The following HMCN1 variants were observed in gnomAD, a reference collection of about 807,000 sequenced individuals.
The protein encoded by HMCN1 is hemicentin-1.
Under a neutral mutation model 625.9 loss-of-function variants are expected in HMCN1, and 321 were observed. The observed-to-expected ratio is 0.51, with a 90% confidence interval of 0.47 to 0.56. The LOEUF is 0.56. Among genes scored for constraint, HMCN1 ranks in the 20% least tolerant of loss-of-function variants. The pLI is 0.00. For synonymous variants in HMCN1, 2,425 were observed against 2,417.6 expected (o/e 1.00, Z -0.09); for missense variants, 6,588 against 6,887.3 (o/e 0.96, Z 1.54).
intron 52 of HMCN1, among the ~76,000 whole-genome samples, chr1:186,071,376 C>T (rs916418804): frequency 6.6e-6 from 1 of 152,116 alleles, no homozygotes; most frequent in Non-Finnish European, 1.5e-5. Flanking sequence ...AAGACAGATC[C>T]TTCAATTCTG....
intron 24 of HMCN1, 117 bp from the exon 25 acceptor site, chr1:185,997,311 AT>A (rs1351376190): frequency 2.7e-6 from 2 of 729,126 alleles, no homozygotes; most frequent in Non-Finnish European, 4.9e-6. Context: ...TAGGAATCAT[AT>A]TTAAAAGAAG....
chr1:185,822,207 T>A (rs1660230569), intron 1 of HMCN1, among the ~76,000 whole-genome samples: 1 of 152,032 alleles, frequency 6.6e-6, no homozygotes, highest in Admixed American at 6.6e-5. Context: ...AACAATAGAC[T>A]AGTTGATAAT....
At chr1:185,988,758 G>C (rs1652176940) in intron 20 of HMCN1, among the ~76,000 whole-genome samples, 1 of 152,130 alleles carries the variant, frequency 6.6e-6, no homozygotes, top group Admixed American at 6.6e-5. Flanking sequence ...GTGATCTTGG[G>C]CAAATTACTC....
In HMCN1 at chr1:185,984,304, G is replaced by T; in HGVS notation, c.2926G>T (p.Val976Phe). 1 of 1,613,970 alleles carries T rather than the reference G, an allele frequency of 6.2e-7. No homozygotes were observed. The highest frequency in any genetic ancestry group is 8.5e-7 in the Non-Finnish European group (1 of 1,179,920). ...AGTNNKTTSV[V>F]VHVLPTIQHG... The stretch of plus-strand genomic sequence containing the variant: ...GACCAATAACAAAACTACCTCTGTG[G>T]TTGTGCATGGTAAGAGACACACCCA... The change falls in exon 19 of 107, where the codon GTT becomes TTT. Residue 976 changes from valine to phenylalanine, a missense_variant. This residue lies in a region of HMCN1 where 4,628 missense variants were observed against 4,853.1 expected (regional missense o/e 0.95). Coordinates refer to ENST00000271588, the MANE Select transcript of HMCN1 (RefSeq NM_031935.3).
At chr1:185,955,989 C>T (rs1485093272) in intron 11 of HMCN1, among the ~76,000 whole-genome samples, 1 of 152,060 alleles carries the variant, frequency 6.6e-6, no homozygotes, top group Non-Finnish European at 1.5e-5. Context: ...TAAACCACTG[C>T]CTTTCTGATA....
In HMCN1 at chr1:185,902,405, C is replaced by CTATCTCTATCTA. The variant is rs903275348; in HGVS notation, c.622-6931_622-6930insATCTCTATCTAT. On this transcript the variant is annotated intron_variant, in intron 4 of 106. Coordinates refer to ENST00000271588, the MANE Select transcript of HMCN1 (RefSeq NM_031935.3). ...TCTATCTATCTATCTATCTATCTAT[C>CTATCTCTATCTA]TCTATCTATCTATCTATCTATCTAT... 3.7e-3 allele frequency among the ~76,000 whole-genome samples: 544 copies of CTATCTCTATCTA among 145,412 alleles called. 4 individuals carry two copies. The highest frequency in any genetic ancestry group is 0.013 in the African/African-American group (517 of 38,562).
intron 1 of HMCN1, among the ~76,000 whole-genome samples, chr1:185,797,965 CAAAAAAAAA>C (rs35031310): frequency 1.2e-3 from 16 of 13,666 alleles, no homozygotes; most frequent in African/African-American, 3.5e-3. Flanking sequence ...GACTCCGTCT[CAAAAAAAAA>C]AAAAAAAAAA....
rs2102689337 is a variant in HMCN1 at position 186,190,470 on chromosome 1, T to C, written c.*592T>C. On this transcript the variant is annotated 3_prime_UTR_variant, in exon 107 of 107. Transcript: ENST00000271588. ...TGATCCCAAATGGTGCTTATCTTGA[T>C]TGAACATTCAGAACAAGGATATTAT... The C allele has an allele frequency of 1.0e-5, 2 of 200,224 alleles. No homozygotes were observed. The highest frequency in any genetic ancestry group is 2.1e-5 in the Non-Finnish European group (2 of 97,008). 12.4% of individuals were successfully genotyped at this position (200,224 alleles called of 1,614,324 possible).
chr1:186,088,633 T>G lies in HMCN1; in HGVS notation c.9605T>G (p.Ile3202Ser). ...AATTCTGACTCACTGGAAGTTCGTA[T>G]TTTGTCTGGAGGTAGCAAACTCCAG... Reference protein sequence around the residue: ...IENSDSLEVRILSGGSKLQIA... With the variant: ...IENSDSLEVRSLSGGSKLQIA... Residue 3202 changes from isoleucine to serine, a missense_variant, in exon 63 of 107, where the codon ATT becomes AGT. Around this residue, in one of 3 missense-constraint regions of HMCN1, gnomAD observed 4,628 missense variants for 4,853.1 expected, o/e 0.95. Transcript: ENST00000271588. 2.5e-6 allele frequency: 4 copies of G among 1,612,042 alleles called. No individual in the cohort carries two copies. The highest frequency in any genetic ancestry group is 3.4e-6 in the Non-Finnish European group (4 of 1,178,780).
intron 4 of HMCN1, among the ~76,000 whole-genome samples, chr1:185,875,057 T>A (rs937326330): frequency 6.6e-6 from 1 of 151,874 alleles, no homozygotes; most frequent in Non-Finnish European, 1.5e-5. Context: ...TTGAACAATG[T>A]TTCTTAAAAG....
intron 11 of HMCN1, among the ~76,000 whole-genome samples, chr1:185,961,634 A>G (rs978418488): frequency 6.6e-6 from 1 of 152,220 alleles, no homozygotes; most frequent in African/African-American, 2.4e-5. Flanking sequence ...ATTAATTCTT[A>G]TTGTGTAATA....
intron 2 of HMCN1, among the ~76,000 whole-genome samples, chr1:185,851,374 G>C (rs1662148929): frequency 6.6e-6 from 1 of 152,056 alleles, no homozygotes; most frequent in South Asian, 2.1e-4. Context: ...ATTAGAGCAG[G>C]CTTGGCTATT....
chr1:185,856,425 G>A (rs866061039), intron 2 of HMCN1, among the ~76,000 whole-genome samples: 2 of 151,026 alleles, frequency 1.3e-5, no homozygotes, highest in South Asian at 2.1e-4. Flanking sequence ...CAGAGGTGGA[G>A]TTGCGGTGAG....
chr1:186,087,216 G>C lies in HMCN1; in HGVS notation c.9047-1G>C. ...ACAATTTGCATTCTATTTACCTACA[G>C]GTGGTCGAACTCTACAGATTATTCG... On this transcript the variant is annotated splice_acceptor_variant, in intron 58 of 106. Transcript: ENST00000271588. LOFTEE classifies it high-confidence loss of function. 1 of 1,595,442 alleles carries C rather than the reference G, an allele frequency of 6.3e-7. No homozygotes were observed. The highest frequency in any genetic ancestry group is 8.6e-7 in the Non-Finnish European group (1 of 1,163,386).
chr1:185,984,081 G>T, intron 18 of HMCN1, 88 bp from the exon 19 acceptor site: 1 of 1,017,270 alleles, frequency 9.8e-7, no homozygotes, highest in Non-Finnish European at 1.5e-6. Context: ...TAGTAACCCA[G>T]TTGGGAAAAA....
At chr1:185,923,960 T>G (rs1667134292) in intron 8 of HMCN1, among the ~76,000 whole-genome samples, 1 of 152,234 alleles carries the variant, frequency 6.6e-6, no homozygotes, top group Non-Finnish European at 1.5e-5. Flanking sequence ...TATATTTGCT[T>G]AAACTATCTA....
rs150408522 is a variant in HMCN1, at chr1:186,029,875, G to A, written c.5749+6722G>A. On this transcript the variant is annotated intron_variant, in intron 36 of 106. Transcript: ENST00000271588. ...TATGGATGCTTGCAGCTACAAATCA[G>A]TCTAAGCTCTTCTTTATGTGCATCC... Among the ~76,000 whole-genome samples the A allele has an allele frequency of 4.1e-4, 62 of 152,054 alleles. No homozygotes were observed. In the East Asian group the frequency reaches 0.012, roughly 28 times the overall value.
intron 10 of HMCN1, among the ~76,000 whole-genome samples, chr1:185,930,694 GT>G (rs1365517707): frequency 2.0e-5 from 3 of 151,984 alleles, no homozygotes; most frequent in Non-Finnish European, 4.4e-5. Context: ...TGAAATGTTG[GT>G]TATTGGGTTA....
intron 1 of HMCN1, among the ~76,000 whole-genome samples, chr1:185,750,837 C>A (rs888307561): frequency 6.8e-6 from 1 of 147,186 alleles, no homozygotes; most frequent in Non-Finnish European, 1.5e-5. Context: ...ATTCTATTTT[C>A]CCCCCCTCCC....
Sources: gnomAD v4.1 joint callset for allele counts (sites outside exome capture counted in the v4.1 genomes callset) on GRCh38, gnomAD v4.1.1 for gene constraint, gnomAD v4.1.1 regional missense constraint, MANE v1.5 for transcripts, NCBI Gene and HGNC (gene_info 2026-07-23, HGNC 2026-07-21) for gene names.